The following NCK2 variants were observed in gnomAD, a reference collection of about 807,000 sequenced individuals.
The protein encoded by NCK2 is cytoplasmic protein NCK2.
NCK2 carries 16 observed loss-of-function variants against 33.9 expected under a neutral mutation model. That is an observed-to-expected ratio of 0.47 (90% CI 0.32 to 0.72). The LOEUF is 0.72. Among genes scored for constraint, NCK2 ranks in the 30% least tolerant of loss-of-function variants. NCK2 has a pLI of 0.03. For missense variants in NCK2, 418 were observed against 537.3 expected (o/e 0.78, Z 2.19); for synonymous variants, 273 against 239.9 (o/e 1.14, Z -1.27).
intron 1 of NCK2, among the ~76,000 whole-genome samples, chr2:105,785,001 C>CGG (rs761126487): frequency 5.3e-5 from 8 of 152,070 alleles, no homozygotes; most frequent in Non-Finnish European, 7.4e-5. Flanking sequence ...TGTTTTGAGA[C>CGG]GGAGTCTCGC....
chr2:105,844,522 C>A (rs1019439014), intron 2 of NCK2, among the ~76,000 whole-genome samples: 1 of 150,784 alleles, frequency 6.6e-6, no homozygotes, highest in Non-Finnish European at 1.5e-5. Context: ...GAGTTGGAGA[C>A]CAGCCTGGCC....
At chr2:105,783,899 T>C (rs1009549041) in intron 1 of NCK2, among the ~76,000 whole-genome samples, 5 of 152,130 alleles carry the variant, frequency 3.3e-5, no homozygotes, top group African/African-American at 9.7e-5. Flanking sequence ...CAATCTGAAA[T>C]GTGGATATAT....
intron 1 of NCK2, among the ~76,000 whole-genome samples, chr2:105,807,724 T>A (rs1675106386): frequency 1.0e-5 from 1 of 97,722 alleles, no homozygotes. Flanking sequence ...CTTCCTTCCT[T>A]CCTTCTTTCC....
chr2:105,769,391 ACT>A (rs1273595730), intron 1 of NCK2, among the ~76,000 whole-genome samples: 2 of 151,016 alleles, frequency 1.3e-5, no homozygotes, highest in Non-Finnish European at 2.9e-5. Flanking sequence ...ACGAATCATG[ACT>A]CTCACTGTGC....
intron 1 of NCK2, among the ~76,000 whole-genome samples, chr2:105,804,950 A>T (rs914669395): frequency 1.3e-5 from 2 of 152,198 alleles, no homozygotes; most frequent in Non-Finnish European, 2.9e-5. Flanking sequence ...GTCACAGCTG[A>T]TCTTATAGAT....
At chr2:105,763,053 C>G (rs1689817343) in intron 1 of NCK2, among the ~76,000 whole-genome samples, 1 of 152,088 alleles carries the variant, frequency 6.6e-6, no homozygotes, top group African/African-American at 2.4e-5. Context: ...AAAGAATTAG[C>G]CAGGCGTGGT....
chr2:105,884,157 C>T (rs1488811702), intron 4 of NCK2, among the ~76,000 whole-genome samples: 1 of 152,162 alleles, frequency 6.6e-6, no homozygotes, highest in Non-Finnish European at 1.5e-5. Context: ...CTGTTCATAA[C>T]CAAGGCGTTC....
At chr2:105,767,060 A>C (rs192054660) in intron 1 of NCK2, among the ~76,000 whole-genome samples, 1 of 152,196 alleles carries the variant, frequency 6.6e-6, no homozygotes, top group African/African-American at 2.4e-5. Flanking sequence ...ATGGTCAGCC[A>C]GGTTCAGGCC....
Position 105,775,125 on chromosome 2 carries a change from A to G in NCK2, c.-201+29987A>G, listed in dbSNP as rs548416053. Among the ~76,000 whole-genome samples, 19 of 152,310 alleles carry G rather than the reference A, an allele frequency of 1.2e-4. No homozygotes were observed. In the East Asian group the frequency reaches 1.9e-3, roughly 15 times the overall value. On this transcript the variant is annotated intron_variant, in intron 1 of 4. Coordinates refer to ENST00000233154, the MANE Select transcript of NCK2 (RefSeq NM_003581.5). The stretch of plus-strand genomic sequence containing the variant: ...TGTCATCTGATGTTAGCTAAACTTT[A>G]GTTTTTAAAAAATAGTAATAAGTGG...
intron 1 of NCK2, among the ~76,000 whole-genome samples, chr2:105,806,862 A>G (rs890363853): frequency 1.3e-5 from 2 of 152,122 alleles, no homozygotes; most frequent in African/African-American, 4.8e-5. Flanking sequence ...CAACCATCCT[A>G]CAGAATCTTT....
chr2:105,754,361 C>A (rs532844332), intron 1 of NCK2, among the ~76,000 whole-genome samples: 1 of 152,330 alleles, frequency 6.6e-6, no homozygotes, highest in South Asian at 2.1e-4. Flanking sequence ...TAGAAAGACG[C>A]CCATGCCCAT....
chr2:105,826,654 C>T (rs1675955787), intron 2 of NCK2, among the ~76,000 whole-genome samples: 1 of 152,174 alleles, frequency 6.6e-6, no homozygotes, highest in Non-Finnish European at 1.5e-5. Flanking sequence ...GGGTTCTAGG[C>T]CCCCTGGATT....
At chr2:105,760,828 G>A (rs1480614788) in intron 1 of NCK2, among the ~76,000 whole-genome samples, 2 of 152,146 alleles carry the variant, frequency 1.3e-5, no homozygotes, top group East Asian at 1.9e-4. Context: ...GAGACCCCAC[G>A]TGGACTGTGT....
In NCK2 at chr2:105,750,121, A is replaced by C. The variant is rs893960306; in HGVS notation, c.-201+4983A>C. 4.8e-4 allele frequency among the ~76,000 whole-genome samples: 73 copies of C among 151,622 alleles called. 5 individuals are homozygous for C. Among genetic ancestry groups the C allele is most frequent in the Non-Finnish European group, 4.4e-5 (3 of 67,926 alleles). On this transcript the variant is annotated intron_variant, in intron 1 of 4. Transcript: ENST00000233154. ...AAGCTGCAGACATTTATTTTCTCACAGTTCTGGAGGCTGGAAGTCCATGAC... is the reference window on the plus strand; with the variant it reads ...AAGCTGCAGACATTTATTTTCTCACCGTTCTGGAGGCTGGAAGTCCATGAC...
At chr2:105,853,943 G>C (rs1677162499) in intron 2 of NCK2, 1 of 152,250 alleles carries the variant, frequency 6.6e-6, no homozygotes, top group Non-Finnish European at 1.5e-5. Flanking sequence ...CAGATGTTGA[G>C]AGTGGAGGAT....
chr2:105,815,425 A>C (rs1675443713), intron 1 of NCK2, among the ~76,000 whole-genome samples: 1 of 152,222 alleles, frequency 6.6e-6, no homozygotes, highest in African/African-American at 2.4e-5. Flanking sequence ...GGATGAATTA[A>C]TAGATCTTCT....
chr2:105,856,397 T>TATCACTTAAGAC (rs1430734289), intron 3 of NCK2, among the ~76,000 whole-genome samples: 33 of 152,230 alleles, frequency 2.2e-4, no homozygotes, highest in African/African-American at 6.8e-4. Flanking sequence ...ACTTAAGGGT[T>TATCACTTAAGAC]TGCTAGTGAA....
chr2:105,864,133 G>A (rs1481616936), intron 3 of NCK2, among the ~76,000 whole-genome samples: 2 of 152,120 alleles, frequency 1.3e-5, no homozygotes, highest in South Asian at 2.1e-4. Context: ...TAAAGGCCCT[G>A]GGTGTGAAAA....
chr2:105,811,251 A>C (rs1425235757), intron 1 of NCK2, among the ~76,000 whole-genome samples: 2 of 152,038 alleles, frequency 1.3e-5, no homozygotes, highest in Non-Finnish European at 2.9e-5. Flanking sequence ...AATTTTTGAT[A>C]ATGTCCATTC....
Sources: gnomAD v4.1 joint callset for allele counts (sites outside exome capture counted in the v4.1 genomes callset) on GRCh38, gnomAD v4.1.1 for gene constraint, MANE v1.5 for transcripts, NCBI Gene and HGNC (gene_info 2026-07-23, HGNC 2026-07-21) for gene names.